Variants in VPS50 observed in about 807,000 individuals in gnomAD.
The protein encoded by VPS50 is VPS50 subunit of EARP/GARPII complex, also known as syndetin.
A neutral mutation model predicts 139.7 loss-of-function variants in VPS50; 70 were observed. That is an observed-to-expected ratio of 0.50 (90% CI 0.41 to 0.61). VPS50 has a LOEUF of 0.61. VPS50 is among the 20% of genes least tolerant of loss of function. The pLI, the probability that VPS50 is intolerant of heterozygous loss-of-function variation, is 0.00. For missense variants in VPS50, 921 were observed against 1,133.7 expected (o/e 0.81, Z 2.69); for synonymous variants, 365 against 376.7 (o/e 0.97, Z 0.36).
intron 26 of VPS50, 80 bp from the exon 27 acceptor site, chr7:93,355,811 A>G: frequency 1.4e-6 from 1 of 731,796 alleles, no homozygotes. Context: ...AATATAGGTT[A>G]GAGAAAACTT....
intron 1 of VPS50, among the ~76,000 whole-genome samples, chr7:93,238,953 G>T (rs1194133009): frequency 6.6e-6 from 1 of 152,122 alleles, no homozygotes; most frequent in Non-Finnish European, 1.5e-5. Context: ...TTTTAGATAT[G>T]ACTAGTGGTA....
rs371708652 is a variant in VPS50, at chr7:93,334,206, C to T, written c.2058+9C>T. On this transcript the variant is annotated intron_variant, in intron 22 of 27. Transcript: ENST00000305866. Reference sequence around the variant, plus strand: ...AAAGCCTTATTGATCTAGTAAGTAACGAATTGGAATAAATTCTTTTGGATT... The same window carrying T: ...AAAGCCTTATTGATCTAGTAAGTAATGAATTGGAATAAATTCTTTTGGATT... 73 of 1,376,290 alleles carry T rather than the reference C, an allele frequency of 5.3e-5. No individual in the cohort carries two copies. Among genetic ancestry groups the T allele is most frequent in the South Asian group, 4.2e-4 (34 of 81,324 alleles). The allele number at this position is 1,376,290 out of a possible 1,614,324, so 85.3% of individuals were successfully genotyped here.
intron 3 of VPS50, among the ~76,000 whole-genome samples, chr7:93,253,060 A>G (rs911227053): frequency 6.6e-6 from 1 of 152,208 alleles, no homozygotes; most frequent in African/African-American, 2.4e-5. Context: ...ATTTTATAGT[A>G]TCTATGTTTA....
At chr7:93,238,003 A>G (rs1346056827) in intron 1 of VPS50, among the ~76,000 whole-genome samples, 1 of 152,212 alleles carries the variant, frequency 6.6e-6, no homozygotes, top group Non-Finnish European at 1.5e-5. Flanking sequence ...GTCGAGGAGC[A>G]TGTGTACTTT....
chr7:93,338,917 T>C (rs1163843808), intron 22 of VPS50, among the ~76,000 whole-genome samples: 1 of 152,298 alleles, frequency 6.6e-6, no homozygotes. Flanking sequence ...GCCTGTGACC[T>C]GTTTAAATAG....
At chr7:93,261,567 A>G (rs1330761492) in intron 9 of VPS50, among the ~76,000 whole-genome samples, 1 of 150,810 alleles carries the variant, frequency 6.6e-6, no homozygotes, top group Non-Finnish European at 1.5e-5. Context: ...AGTCCCAGCT[A>G]CTCGGGAGGC....
intron 12 of VPS50, among the ~76,000 whole-genome samples, chr7:93,285,301 G>A (rs566718760): frequency 4.6e-5 from 7 of 152,168 alleles, no homozygotes; most frequent in African/African-American, 1.7e-4. Context: ...AAATCAAAAC[G>A]TGGAATAAGA....
chr7:93,310,868 A>G (rs551989825), intron 19 of VPS50, among the ~76,000 whole-genome samples: 1 of 152,076 alleles, frequency 6.6e-6, no homozygotes, highest in Non-Finnish European at 1.5e-5. Context: ...GAAACAGTAC[A>G]TTTGCACCTA....
chr7:93,319,324 C>T (rs952074785), intron 20 of VPS50, among the ~76,000 whole-genome samples: 8 of 152,200 alleles, frequency 5.3e-5, no homozygotes, highest in African/African-American at 1.7e-4. Flanking sequence ...GCCCACTGTT[C>T]GTTCTCTTGT....
At chr7:93,236,937 CTTT>C (rs71107889) in intron 1 of VPS50, among the ~76,000 whole-genome samples, 622 of 30,754 alleles carry the variant, frequency 0.02, no homozygotes, top group African/African-American at 0.03. Flanking sequence ...TCTTTTACTT[CTTT>C]TTTTTTTTTT....
chr7:93,290,369 C>T (rs993656555), intron 12 of VPS50, among the ~76,000 whole-genome samples: 16 of 150,020 alleles, frequency 1.1e-4, no homozygotes, highest in Middle Eastern at 3.6e-3. Context: ...CAGGTGTTCT[C>T]ATAAATAGCA....
chr7:93,331,877 A>G (rs184253980), intron 21 of VPS50, among the ~76,000 whole-genome samples: 99 of 152,354 alleles, frequency 6.5e-4, no homozygotes, highest in African/African-American at 2.2e-3. Context: ...ACTCAATAAG[A>G]AAACAACCCA....
intron 21 of VPS50, among the ~76,000 whole-genome samples, chr7:93,325,890 G>C (rs969186939): frequency 6.6e-6 from 1 of 151,056 alleles, no homozygotes; most frequent in Non-Finnish European, 1.5e-5. Context: ...TCAGTGTGGC[G>C]ATTCCTCAGG....
rs190251320 is a variant in VPS50 at position 93,341,909 on chromosome 7, A to C, written c.2207+334A>C. 2.9e-3 allele frequency among the ~76,000 whole-genome samples: 449 copies of C among 152,320 alleles called. 1 individual carries two copies. The highest frequency in any genetic ancestry group is 0.01 in the African/African-American group (430 of 41,560). On this transcript the variant is annotated intron_variant, in intron 23 of 27. Coordinates refer to ENST00000305866, the MANE Select transcript of VPS50 (RefSeq NM_017667.4). ...TGATCTCAGGAGAAGCTGTAGTTGC[A>C]TTGTCAATTTAGTGTTAAGTATAGT...
At chr7:93,308,977 T>C (rs768543790) in intron 19 of VPS50, 35 bp downstream of exon 19, 11 of 1,109,924 alleles carry the variant, frequency 9.9e-6, no homozygotes, top group African/African-American at 1.5e-5. Flanking sequence ...ATTTAGCATT[T>C]TATCTTGTGC....
intron 4 of VPS50, among the ~76,000 whole-genome samples, chr7:93,255,256 C>T (rs879430898): frequency 3.3e-5 from 5 of 152,064 alleles, no homozygotes; most frequent in African/African-American, 4.8e-5. Flanking sequence ...TTAGACGGTC[C>T]CATCTGATGG....
intron 12 of VPS50, among the ~76,000 whole-genome samples, chr7:93,289,072 A>T (rs1225890213): frequency 6.6e-6 from 1 of 151,438 alleles, no homozygotes; most frequent in East Asian, 1.9e-4. Context: ...GCCATTAGAA[A>T]CTCTGTTAGG....
intron 12 of VPS50, among the ~76,000 whole-genome samples, chr7:93,290,877 G>T (rs1374175676): frequency 2.0e-5 from 3 of 151,926 alleles, no homozygotes; most frequent in Non-Finnish European, 4.4e-5. Context: ...ACACACCATG[G>T]CAATACTTGC....
chr7:93,326,499 GA>G (rs1053373099), intron 21 of VPS50, among the ~76,000 whole-genome samples: 40 of 145,142 alleles, frequency 2.8e-4, no homozygotes, highest in South Asian at 1.3e-3. Context: ...TTGAAACCCA[GA>G]AAAAAAAATA....
Sources: gnomAD v4.1 joint callset for allele counts (sites outside exome capture counted in the v4.1 genomes callset) on GRCh38, gnomAD v4.1.1 for gene constraint, MANE v1.5 for transcripts, NCBI Gene and HGNC (gene_info 2026-07-23, HGNC 2026-07-21) for gene names.